The following ATAD2B variants were observed in gnomAD, a reference collection of about 807,000 sequenced individuals.
The protein encoded by ATAD2B is ATPase family AAA domain-containing protein 2B.
In ATAD2B, 40 loss-of-function variants were observed where a neutral mutation model predicts 167.6. That is an observed-to-expected ratio of 0.24 (90% CI 0.19 to 0.31). The LOEUF is 0.31. ATAD2B is among the 10% of genes least tolerant of loss of function. The pLI is 1.00. For missense variants in ATAD2B, 1,242 were observed against 1,757.2 expected, an observed-to-expected ratio of 0.71 and a Z score of 5.24; for synonymous variants, 579 against 596.5, an observed-to-expected ratio of 0.97 and a Z score of 0.43.
the ATAD2B span, among the ~76,000 whole-genome samples, chr2:23,699,997 C>G: frequency 6.6e-6 from 1 of 152,206 alleles, no homozygotes; most frequent in Admixed American, 6.5e-5. Context: ...GCAGTCATTC[C>G]TACAAATACA....
chr2:23,699,761 C>T, the ATAD2B span, among the ~76,000 whole-genome samples: 3 of 152,318 alleles, frequency 2.0e-5, no homozygotes, highest in South Asian at 2.1e-4. Context: ...CCCCACCACA[C>T]GAGAAGGGAA....
At chr2:23,771,962 G>C (rs967475756) in intron 22 of ATAD2B, among the ~76,000 whole-genome samples, 1 of 152,146 alleles carries the variant, frequency 6.6e-6, no homozygotes, top group African/African-American at 2.4e-5. Context: ...CCAGTTCAGA[G>C]GACCTCCAGA....
At chr2:23,860,973 A>G (rs1312844084) in intron 12 of ATAD2B, among the ~76,000 whole-genome samples, 1 of 152,042 alleles carries the variant, frequency 6.6e-6, no homozygotes, top group Non-Finnish European at 1.5e-5. Context: ...CTCCATATCA[A>G]ATAAATAAAT....
chr2:23,897,867 C>G (rs569234624), intron 1 of ATAD2B, among the ~76,000 whole-genome samples: 1 of 152,194 alleles, frequency 6.6e-6, no homozygotes, highest in South Asian at 2.1e-4. Flanking sequence ...CTGGGCACTA[C>G]GTGTGCTCAC....
At chr2:23,890,384 T>C (rs1444568326) in intron 2 of ATAD2B, among the ~76,000 whole-genome samples, 1 of 152,074 alleles carries the variant, frequency 6.6e-6, no homozygotes, top group Admixed American at 6.5e-5. Context: ...TTGGAGAAAA[T>C]TTCATTTTTA....
At chr2:23,831,787 A>G (rs1179607309) in intron 14 of ATAD2B, among the ~76,000 whole-genome samples, 1 of 152,178 alleles carries the variant, frequency 6.6e-6, no homozygotes, top group East Asian at 1.9e-4. Context: ...CTTTTTGCCT[A>G]TTGAGGACAT....
chr2:23,724,767 G>C, the ATAD2B span, among the ~76,000 whole-genome samples: 26 of 152,194 alleles, frequency 1.7e-4, no homozygotes, highest in South Asian at 5.4e-3. Flanking sequence ...AGAGAGGCTG[G>C]GCACGGTGGC....
the ATAD2B span, chr2:23,696,495 A>T: frequency 1.0e-5 from 16 of 1,531,926 alleles, no homozygotes; most frequent in Non-Finnish European, 1.4e-5. The surrounding 1 kb of genome is among the most constrained non-coding windows in gnomAD (Gnocchi z 5.5). Flanking sequence ...GTGGCAGGCA[A>T]CGTGGACCAC....
At position 23,823,213 on chromosome 2, in the gene ATAD2B, T is replaced by TATACTAAAAGA. The variant is rs1171406605; in HGVS notation, c.2131+44_2131+45insTCTTTTAGTAT. On this transcript the variant is annotated intron_variant, in intron 16 of 27. Coordinates refer to ENST00000238789, the MANE Select transcript of ATAD2B (RefSeq NM_017552.4). ...TGAGGAAACTATATTTATTTATTCC[T>TATACTAAAAGA]GTATTTGTTTCATCTTAACAATATA... 14 of 1,381,556 alleles carry TATACTAAAAGA rather than the reference T, an allele frequency of 1.0e-5. No homozygotes were observed. The East Asian group carries it at 3.4e-4, about 34-fold the overall frequency. 85.6% of individuals were successfully genotyped at this position (1,381,556 alleles called of 1,614,324 possible).
At chr2:23,740,625 T>C in the ATAD2B span, among the ~76,000 whole-genome samples, 550 of 152,132 alleles carry the variant, frequency 3.6e-3, 4 homozygotes, top group African/African-American at 0.012. Context: ...GGAAGCATTC[T>C]CTTTGAAAAC....
At chr2:23,847,798 A>G (rs530292917) in intron 13 of ATAD2B, among the ~76,000 whole-genome samples, 1 of 151,832 alleles carries the variant, frequency 6.6e-6, no homozygotes, top group South Asian at 2.1e-4. Flanking sequence ...CAGCCTGGCT[A>G]ATATGGTAAA....
intron 17 of ATAD2B, among the ~76,000 whole-genome samples, chr2:23,817,130 T>C (rs1277244852): frequency 2.0e-5 from 3 of 152,224 alleles, no homozygotes; most frequent in Non-Finnish European, 4.4e-5. Flanking sequence ...TGTATGCTTC[T>C]TGGAGAGTGT....
chr2:23,841,852 A>G (rs528250077), intron 13 of ATAD2B, among the ~76,000 whole-genome samples: 48 of 152,334 alleles, frequency 3.2e-4, no homozygotes, highest in African/African-American at 1.1e-3. Context: ...ATAATATTTC[A>G]TTGTATGGAT....
chr2:23,693,222 C>T, the ATAD2B span: 4 of 1,511,464 alleles, frequency 2.6e-6, no homozygotes, highest in East Asian at 9.9e-5. Context: ...CAGGTGGCAA[C>T]TGCTTCCCGG....
At chr2:23,899,270 G>A (rs1033410497) in intron 1 of ATAD2B, among the ~76,000 whole-genome samples, 37 of 136,540 alleles carry the variant, frequency 2.7e-4, no homozygotes, top group African/African-American at 9.9e-4. Flanking sequence ...CTGTGATCAC[G>A]CCAAGCCTGG....
At chr2:23,832,556 GC>G (rs1689225651) in intron 14 of ATAD2B, 1 of 165,892 alleles carries the variant, frequency 6.0e-6, no homozygotes, top group Admixed American at 6.4e-5. Context: ...GCCACATACG[GC>G]TAGTGTCTAC....
intron 22 of ATAD2B, among the ~76,000 whole-genome samples, chr2:23,766,090 C>T (rs1463025538): frequency 6.6e-6 from 1 of 151,968 alleles, no homozygotes; most frequent in Admixed American, 6.6e-5. Context: ...TTAAAGGTGA[C>T]TTATTTTTTT....
chr2:23,926,444 C>G lies in ATAD2B; in HGVS notation c.216+111G>C, dbSNP rs972782989. On this transcript the variant is annotated intron_variant, in intron 1 of 27. Transcript: ENST00000238789. Reference sequence around the variant, plus strand: ...CCGCGCCCGCAGACCCTGTCTCCAGCCGCCCGAGCGGTCTCCACTGTAGGC... The same window carrying G: ...CCGCGCCCGCAGACCCTGTCTCCAGGCGCCCGAGCGGTCTCCACTGTAGGC... 21 of 1,432,156 alleles carry G rather than the reference C, an allele frequency of 1.5e-5. No homozygotes were observed. In the African/African-American group the frequency reaches 2.8e-4, roughly 19 times the overall value. The allele number at this position is 1,432,156 out of a possible 1,614,324, so 88.7% of individuals were successfully genotyped here.
chr2:23,907,526 G>A (rs1347874719), intron 1 of ATAD2B, among the ~76,000 whole-genome samples: 1 of 152,164 alleles, frequency 6.6e-6, no homozygotes, highest in African/African-American at 2.4e-5. Context: ...TCAATATCAT[G>A]AAAATGGCCA....
Sources: gnomAD v4.1 joint callset for allele counts (sites outside exome capture counted in the v4.1 genomes callset) on GRCh38, gnomAD v4.1.1 for gene constraint, Gnocchi (gnomAD v3.1) non-coding constraint, MANE v1.5 for transcripts, NCBI Gene and HGNC (gene_info 2026-07-23, HGNC 2026-07-21) for gene names.